The following RPS6KA2 variants were observed in gnomAD, a reference collection of about 807,000 sequenced individuals.
RPS6KA2 encodes ribosomal protein S6 kinase alpha-2.
Under a neutral mutation model 91.8 loss-of-function variants are expected in RPS6KA2, and 42 were observed. The observed-to-expected ratio is 0.46, with a 90% CI of 0.36 to 0.59. The LOEUF is 0.59. RPS6KA2 is among the 20% of genes least tolerant of loss of function. The pLI is 0.00. For synonymous variants in RPS6KA2, 414 were observed against 393.6 expected, an observed-to-expected ratio of 1.05 and a Z score of -0.61; for missense variants, 798 against 978.5, an observed-to-expected ratio of 0.82 and a Z score of 2.46.
At chr6:166,517,455 GTTTTTTTTT>G (rs71032809) in intron 3 of RPS6KA2, among the ~76,000 whole-genome samples, 1 of 104,970 alleles carries the variant, frequency 9.5e-6, no homozygotes, top group Non-Finnish European at 1.8e-5. Context: ...CTTTTGTTTT[GTTTTTTTTT>G]TTTTTTTTTT....
intron 10 of RPS6KA2, among the ~76,000 whole-genome samples, chr6:166,486,956 T>TG (rs1315582625): frequency 6.6e-6 from 1 of 152,230 alleles, no homozygotes; most frequent in Admixed American, 6.5e-5. Flanking sequence ...TGCAGAGCCG[T>TG]GGCCGAGACA....
chr6:166,539,158 T>A (rs1783576703), intron 1 of RPS6KA2, among the ~76,000 whole-genome samples: 1 of 152,126 alleles, frequency 6.6e-6, no homozygotes, highest in African/African-American at 2.4e-5. Context: ...GACCTCGCGA[T>A]CCACCTGCCT....
At chr6:166,712,929 G>A (rs1789906235) in intron 2 of RPS6KA2, among the ~76,000 whole-genome samples, 1 of 152,204 alleles carries the variant, frequency 6.6e-6, no homozygotes, top group Non-Finnish European at 1.5e-5. Flanking sequence ...CCCTGGGTGG[G>A]AGCACAGGGA....
At chr6:166,683,829 A>G (rs1482509905) in intron 2 of RPS6KA2, among the ~76,000 whole-genome samples, 1 of 152,236 alleles carries the variant, frequency 6.6e-6, no homozygotes, top group African/African-American at 2.4e-5. Context: ...CTGGAGATAC[A>G]GGAGAGAGCA....
chr6:166,480,514 T>TATATATATATAA lies in RPS6KA2; in HGVS notation c.907+8318_907+8319insTTATATATATAT, dbSNP rs1554279395. Among the ~76,000 whole-genome samples the TATATATATATAA allele has an allele frequency of 2.9e-3, 322 of 110,414 alleles. 2 individuals carry two copies. Among genetic ancestry groups the TATATATATATAA allele is most frequent in the African/African-American group, 4.2e-3 (108 of 25,628 alleles). 72.4% of individuals were successfully genotyped at this position (110,414 alleles called of 152,430 possible). A position where few individuals can be genotyped will look rare whatever the true frequency, so the allele number is the denominator to read the frequency against. ...ATATATATATATATATATATATATA[T>TATATATATATAA]AATATATTTTTTTTTTTTGAGAGAG... On this transcript the variant is annotated intron_variant, in intron 10 of 20. Transcript: ENST00000265678.
chr6:166,550,661 G>A (rs991228825), intron 1 of RPS6KA2, among the ~76,000 whole-genome samples: 2 of 152,116 alleles, frequency 1.3e-5, no homozygotes, highest in Admixed American at 1.3e-4. Context: ...CTCTAGGGGT[G>A]GGTGGCAACA....
intron 2 of RPS6KA2, among the ~76,000 whole-genome samples, chr6:166,834,094 T>C (rs749957350): frequency 6.6e-6 from 1 of 152,178 alleles, no homozygotes; most frequent in Non-Finnish European, 1.5e-5. Context: ...TATGTTTAAC[T>C]ATAAAAGATG....
chr6:166,619,893 C>T (rs933527383), intron 1 of RPS6KA2, among the ~76,000 whole-genome samples: 1 of 152,226 alleles, frequency 6.6e-6, no homozygotes, highest in East Asian at 1.9e-4. Flanking sequence ...CTTAAGTAGT[C>T]GCTAGGGCAT....
intron 1 of RPS6KA2, among the ~76,000 whole-genome samples, chr6:166,605,543 G>A (rs1785923102): frequency 6.6e-6 from 1 of 152,148 alleles, no homozygotes; most frequent in African/African-American, 2.4e-5. Flanking sequence ...ATCTAGGCAC[G>A]TAAAATGCCA....
chr6:166,820,871 T>G (rs1296505541), intron 2 of RPS6KA2, among the ~76,000 whole-genome samples: 1 of 152,224 alleles, frequency 6.6e-6, no homozygotes. Context: ...AATTAACCAA[T>G]TACTACGTTC....
At chr6:166,422,434 G>A (rs111667058) in intron 17 of RPS6KA2, among the ~76,000 whole-genome samples, 52 of 152,048 alleles carry the variant, frequency 3.4e-4, no homozygotes, top group Non-Finnish European at 4.3e-4. Flanking sequence ...CCCTCCCATC[G>A]GAGCAGCTCT....
intron 2 of RPS6KA2, among the ~76,000 whole-genome samples, chr6:166,708,278 A>T (rs1483723074): frequency 6.6e-6 from 1 of 152,096 alleles, no homozygotes; most frequent in Non-Finnish European, 1.5e-5. Flanking sequence ...TTTTTTTTGC[A>T]TAAAGGAACA....
rs1416579614 is a variant in RPS6KA2, at chr6:166,409,705, G to C, written c.*3057C>G. 6.6e-6 allele frequency: 1 copy of C among 152,574 alleles called. No individual in the cohort carries two copies. The highest frequency in any genetic ancestry group is 6.5e-5 in the Admixed American group (1 of 15,286). The allele number at this position is 152,574 out of a possible 1,614,324, so 9.5% of individuals were successfully genotyped here. On this transcript the variant is annotated 3_prime_UTR_variant, in exon 21 of 21. Coordinates refer to ENST00000265678, the MANE Select transcript of RPS6KA2 (RefSeq NM_021135.6). ...TTCTCCATTCTCGAATTTGCATGAC[G>C]CTTAGAAAGGTAGGAGGCAGCAAAA...
chr6:166,506,086 C>G (rs1413729897), intron 5 of RPS6KA2, among the ~76,000 whole-genome samples: 1 of 152,124 alleles, frequency 6.6e-6, no homozygotes, highest in African/African-American at 2.4e-5. Context: ...AGATGCTGGA[C>G]CCCGTACTTG....
intron 8 of RPS6KA2, 28 bp downstream of exon 8, chr6:166,498,480 G>GCA: frequency 6.3e-7 from 1 of 1,588,462 alleles, no homozygotes; most frequent in Non-Finnish European, 8.5e-7. Context: ...AGCCGCCATG[G>GCA]CACAGAAGAG....
At chr6:166,694,298 C>A (rs938866398) in intron 2 of RPS6KA2, among the ~76,000 whole-genome samples, 1 of 152,220 alleles carries the variant, frequency 6.6e-6, no homozygotes, top group African/African-American at 2.4e-5. Context: ...GGGAGTTGGA[C>A]GGCCTGGCTG....
chr6:166,819,444 C>A (rs918256988), intron 2 of RPS6KA2, among the ~76,000 whole-genome samples: 4 of 152,142 alleles, frequency 2.6e-5, no homozygotes, highest in Admixed American at 2.6e-4. Context: ...AAGTCCCAAG[C>A]CCCACAGTCG....
In RPS6KA2 at chr6:166,490,369, C is replaced by G. The variant is rs1275256686; in HGVS notation, c.818+302G>C. 6.6e-6 allele frequency among the ~76,000 whole-genome samples: 1 copy of G among 152,142 alleles called. No homozygotes were observed. The highest frequency in any genetic ancestry group is 1.5e-5 in the Non-Finnish European group (1 of 68,036). On this transcript the variant is annotated intron_variant, in intron 9 of 20. Transcript: ENST00000265678. This position sits in a 1 kb window ranked among gnomAD's most constrained non-coding sequence, Gnocchi z 4.2. ...GCCACTACACATTCTAAGTGACTTA[C>G]TGATGGAAAACTATCTATGGTAGAA...
At chr6:166,417,653 G>A (rs9356486) in intron 19 of RPS6KA2, among the ~76,000 whole-genome samples, 26 of 141,548 alleles carry the variant, frequency 1.8e-4, no homozygotes, top group African/African-American at 2.5e-4. Context: ...ACACACACAC[G>A]CACGCATGTT....
Sources: gnomAD v4.1 joint callset for allele counts (sites outside exome capture counted in the v4.1 genomes callset) on GRCh38, gnomAD v4.1.1 for gene constraint, Gnocchi (gnomAD v3.1) non-coding constraint, MANE v1.5 for transcripts, NCBI Gene and HGNC (gene_info 2026-07-23, HGNC 2026-07-21) for gene names.